Variants in CMPK1 observed in about 807,000 individuals in gnomAD.
CMPK1 encodes UMP-CMP kinase.
Under a neutral mutation model 25.7 loss-of-function variants are expected in CMPK1, and 10 were observed. The ratio of observed to expected loss-of-function variants is 0.39; its 90% CI spans 0.24 to 0.66. The LOEUF is 0.66. CMPK1 is among the 30% of genes least tolerant of loss of function. The probability of loss-of-function intolerance (pLI) is 0.48; values close to 1 mark genes in which losing one functional copy is unlikely to be tolerated. For synonymous variants in CMPK1, 106 were observed against 101.5 expected (o/e 1.04, Z -0.27); for missense variants, 199 against 280.5 (o/e 0.71, Z 2.08).
At chr1:47,376,600 G>A (rs537099457) in intron 5 of CMPK1, 104 bp from the exon 6 acceptor site, 37 of 638,384 alleles carry the variant, frequency 5.8e-5, no homozygotes, top group African/African-American at 5.8e-4. Flanking sequence ...ACAGATGTGA[G>A]CCACCGCGCC....
chr1:47,335,768 T>C (rs1213545948), intron 1 of CMPK1, among the ~76,000 whole-genome samples: 1 of 150,992 alleles, frequency 6.6e-6, no homozygotes, highest in African/African-American at 2.5e-5. Flanking sequence ...TGTTTTTTTG[T>C]TTTTGTTTTT....
chr1:47,373,133 A>G (rs1381232808), intron 3 of CMPK1, 26 bp downstream of exon 3: 4 of 1,577,668 alleles, frequency 2.5e-6, no homozygotes, highest in Non-Finnish European at 1.7e-6. Flanking sequence ...ATCTGCCCAC[A>G]TAGGCTTTAA....
At chr1:47,337,758 G>A (rs556387885) in intron 1 of CMPK1, among the ~76,000 whole-genome samples, 1 of 151,916 alleles carries the variant, frequency 6.6e-6, no homozygotes, top group Admixed American at 6.6e-5. Flanking sequence ...GACTACAGGT[G>A]CGCGCCACCA....
rs373567676 is a variant in CMPK1, at chr1:47,376,401, C to T, written c.646-303C>T. ...TGTGATCTCAGCTCACTGCAACCTC[C>T]GTCTCCTGGGTTCAAGTAATTCTCC... On this transcript the variant is annotated intron_variant, in intron 5 of 5. Coordinates refer to ENST00000371873, the MANE Select transcript of CMPK1 (RefSeq NM_016308.3). 5.3e-4 allele frequency among the ~76,000 whole-genome samples: 80 copies of T among 152,116 alleles called. No individual in the cohort carries two copies. In the South Asian group the frequency reaches 0.014, roughly 26 times the overall value.
chr1:47,339,871 C>G (rs903835280), intron 1 of CMPK1, among the ~76,000 whole-genome samples: 6 of 151,778 alleles, frequency 4.0e-5, no homozygotes, highest in Admixed American at 1.3e-4. Flanking sequence ...CAACGCGTGG[C>G]TAATTTTTGT....
At chr1:47,336,003 T>C (rs1308234862) in intron 1 of CMPK1, among the ~76,000 whole-genome samples, 2 of 152,104 alleles carry the variant, frequency 1.3e-5, no homozygotes, top group African/African-American at 2.4e-5. Flanking sequence ...CCTCGTGATC[T>C]GCCCGCCTCA....
At position 47,333,953 on chromosome 1, in the gene CMPK1, G is replaced by A. The variant is rs1440079898; in HGVS notation, c.8G>A (p.Ser3Asn). 6.8e-7 allele frequency: 1 copy of A among 1,481,044 alleles called. No homozygotes were observed. The highest frequency in any genetic ancestry group is 2.8e-5 in the East Asian group (1 of 35,216). 91.7% of individuals were successfully genotyped at this position (1,481,044 alleles called of 1,614,324 possible). A position where few individuals can be genotyped will look rare whatever the true frequency, so the allele number is the denominator to read the frequency against. ...CCGGCCGAGGCGCGGTGTATGCTGA[G>A]CCGCTGCCGCAGCGGGCTGCTCCAC... ML[S>N]RCRSGLLHVL... The change falls in exon 1 of 6, where the codon AGC becomes AAC. Residue 3 changes from serine (S) to asparagine (N), a missense_variant. Physicochemically the swap from Ser to Asn is conservative, Grantham distance 46. This residue lies in a region of CMPK1 where 59 missense variants were observed against 45.1 expected (regional missense o/e 1.31). Coordinates refer to ENST00000371873, the MANE Select transcript of CMPK1 (RefSeq NM_016308.3).
At chr1:47,346,585 C>T (rs1646486035) in intron 1 of CMPK1, among the ~76,000 whole-genome samples, 1 of 151,934 alleles carries the variant, frequency 6.6e-6, no homozygotes, top group South Asian at 2.1e-4. Context: ...CTCACTGCAA[C>T]CTCGGCCTCC....
chr1:47,345,809 G>A (rs1234693266), intron 1 of CMPK1, among the ~76,000 whole-genome samples: 2 of 151,122 alleles, frequency 1.3e-5, no homozygotes, highest in Non-Finnish European at 1.5e-5. Context: ...AGGCTGGAGT[G>A]CAATGGCTTG....
At chr1:47,374,048 G>A (rs192592577) in intron 3 of CMPK1, among the ~76,000 whole-genome samples, 1 of 152,172 alleles carries the variant, frequency 6.6e-6, no homozygotes, top group East Asian at 1.9e-4. Flanking sequence ...TCTTGCTGCA[G>A]CCTTTGTGTT....
intron 5 of CMPK1, among the ~76,000 whole-genome samples, chr1:47,375,815 G>T (rs940283658): frequency 6.6e-6 from 1 of 152,092 alleles, no homozygotes; most frequent in Non-Finnish European, 1.5e-5. Flanking sequence ...CTAAATTGTG[G>T]TTTGCAAGCG....
chr1:47,357,230 G>A (rs895992649), intron 1 of CMPK1, among the ~76,000 whole-genome samples: 2 of 152,074 alleles, frequency 1.3e-5, no homozygotes, highest in African/African-American at 4.8e-5. Flanking sequence ...CCCAAACAAA[G>A]TGCTGAGATT....
intron 1 of CMPK1, among the ~76,000 whole-genome samples, chr1:47,357,779 C>T (rs1036132031): frequency 2.0e-5 from 3 of 151,890 alleles, no homozygotes; most frequent in East Asian, 1.9e-4. Flanking sequence ...GCCACTGCAC[C>T]GGCCAATCTG....
intron 1 of CMPK1, among the ~76,000 whole-genome samples, chr1:47,344,877 C>T (rs866451988): frequency 5.9e-5 from 9 of 151,590 alleles, no homozygotes; most frequent in Admixed American, 2.0e-4. Context: ...AGGGTGGGGA[C>T]CCTGTCTTTT....
chr1:47,346,034 A>G (rs1646481115), intron 1 of CMPK1, among the ~76,000 whole-genome samples: 1 of 150,726 alleles, frequency 6.6e-6, no homozygotes, highest in South Asian at 2.1e-4. Context: ...GTGAGCCACA[A>G]TGCCTGGCCT....
chr1:47,337,297 A>C (rs1646406058), intron 1 of CMPK1, among the ~76,000 whole-genome samples: 1 of 152,128 alleles, frequency 6.6e-6, no homozygotes, highest in African/African-American at 2.4e-5. Context: ...AAATAAAATA[A>C]ATAAATAAAT....
chr1:47,351,874 A>G (rs1646524921), intron 1 of CMPK1, among the ~76,000 whole-genome samples: 1 of 151,830 alleles, frequency 6.6e-6, no homozygotes, highest in South Asian at 2.1e-4. Flanking sequence ...AATGGCTTAC[A>G]CCTGTAATCC....
At chr1:47,339,791 TC>T (rs944534490) in intron 1 of CMPK1, among the ~76,000 whole-genome samples, 1 of 138,392 alleles carries the variant, frequency 7.2e-6, no homozygotes, top group Non-Finnish European at 1.5e-5. Flanking sequence ...CACCGCAGCC[TC>T]CGCTTCCCGG....
intron 2 of CMPK1, among the ~76,000 whole-genome samples, chr1:47,372,292 C>T (rs1193614686): frequency 6.6e-6 from 1 of 152,266 alleles, no homozygotes; most frequent in East Asian, 1.9e-4. Flanking sequence ...GGGGTTTCAC[C>T]ATCTTGGCCG....
Sources: allele counts gnomAD v4.1 joint callset (sites outside exome capture counted in the v4.1 genomes callset), GRCh38; gene constraint gnomAD v4.1.1; regional missense constraint gnomAD v4.1.1; transcripts MANE v1.5; gene names NCBI Gene and HGNC (gene_info 2026-07-23, HGNC 2026-07-21).